The following GOLIM4 variants were observed in gnomAD, a reference collection of about 807,000 sequenced individuals.
GOLIM4 encodes the protein 130 kDa golgi-localized phosphoprotein.
Under a neutral mutation model 107.4 loss-of-function variants are expected in GOLIM4, and 71 were observed. The observed-to-expected ratio is 0.66, with a 90% confidence interval of 0.55 to 0.81. The LOEUF (loss-of-function observed/expected upper bound fraction) is 0.81, where lower values mean the gene tolerates loss of function less well. Among genes scored for constraint, GOLIM4 ranks in the 30% least tolerant of loss-of-function variants. The pLI, the probability that GOLIM4 is intolerant of heterozygous loss-of-function variation, is 0.00. For missense variants in GOLIM4, 830 were observed against 826.1 expected, an observed-to-expected ratio of 1.00 and a Z score of -0.06; for synonymous variants, 327 against 294.8, an observed-to-expected ratio of 1.11 and a Z score of -1.12.
At chr3:168,048,643 T>C (rs981109234) in intron 1 of GOLIM4, among the ~76,000 whole-genome samples, 2 of 152,218 alleles carry the variant, frequency 1.3e-5, no homozygotes, top group Admixed American at 1.3e-4. Flanking sequence ...GCCTCTTAAA[T>C]GCAAGTGTCT....
At chr3:168,070,329 G>T (rs769503159) in intron 1 of GOLIM4, among the ~76,000 whole-genome samples, 1 of 152,204 alleles carries the variant, frequency 6.6e-6, no homozygotes. Flanking sequence ...GGAGGCAGAG[G>T]TTGCAGTAAG....
intron 1 of GOLIM4, among the ~76,000 whole-genome samples, chr3:168,059,178 G>A (rs1720130737): frequency 6.6e-6 from 1 of 152,160 alleles, no homozygotes; most frequent in South Asian, 2.1e-4. Context: ...TTTTTTAATA[G>A]GAACTTGCCT....
intron 1 of GOLIM4, among the ~76,000 whole-genome samples, chr3:168,056,127 T>C (rs530432015): frequency 1.3e-4 from 20 of 152,326 alleles, no homozygotes; most frequent in African/African-American, 4.8e-4. Flanking sequence ...GTGTGCATCC[T>C]AGGGACTTGG....
At position 168,032,744 on chromosome 3, in the gene GOLIM4, G is replaced by A. The variant is rs1718405106; in HGVS notation, c.952C>T (p.Pro318Ser). ...TCCACTTCTTGTTGGATTGGCTCTG[G>A]GGGAGCCTGAAATTCTGCCTCCTTA... ...THKEAEFQAP[P>S]EPIQQEVERR... is the part of the protein sequence containing the mutation. Residue 318 changes from proline (P) to serine (S), a missense_variant, in exon 9 of 16, where the codon CCA (proline) becomes TCA (serine). Pro to Ser is a moderately conservative substitution (Grantham distance 74, BLOSUM62 -1). Coordinates refer to ENST00000470487, the MANE Select transcript of GOLIM4 (RefSeq NM_014498.5). 6.2e-7 allele frequency: 1 copy of A among 1,613,844 alleles called. No individual in the cohort carries two copies. The highest frequency in any genetic ancestry group is 8.5e-7 in the Non-Finnish European group (1 of 1,179,840).
chr3:168,029,279 A>G lies in GOLIM4; in HGVS notation c.1457T>C (p.Met486Thr). 6.2e-7 allele frequency: 1 copy of G among 1,608,142 alleles called. No homozygotes were observed. The highest frequency in any genetic ancestry group is 8.5e-7 in the Non-Finnish European group (1 of 1,176,106). Residue 486 changes from methionine (M) to threonine (T), a missense_variant, in exon 11 of 16, where the codon ATG (methionine) becomes ACG (threonine). Met to Thr is a moderately conservative substitution (Grantham distance 81). Transcript: ENST00000470487. ...TGCTCCCTGAACGATATCATTATCC[A>G]TAGCATCATAATGAGCTTGCTGCCT... is the stretch of plus-strand genomic sequence containing the variant. ...QLRQQAHYDA[M>T]DNDIVQGAED...
intron 5 of GOLIM4, among the ~76,000 whole-genome samples, chr3:168,041,927 C>T (rs1388165583): frequency 1.3e-5 from 2 of 151,808 alleles, no homozygotes; most frequent in Non-Finnish European, 1.5e-5. Flanking sequence ...AAAGTATAGA[C>T]CCTTAACCCT....
chr3:168,027,791 T>A lies in GOLIM4; in HGVS notation c.1560A>T (p.Pro520=). 6.2e-7 allele frequency: 1 copy of A among 1,613,602 alleles called. No individual in the cohort carries two copies. Among genetic ancestry groups the A allele is most frequent in the South Asian group, 1.1e-5 (1 of 91,070 alleles). ...GTTCACGAGGCTCATGTCTATTACC[T>A]GGATCTCCTTCTGCTTCATCTTGGT... ...NQHQDEAEGD[P]GNRHEPREQG... is the part of the protein sequence containing the mutation. Residue 520 remains proline (P), a synonymous_variant, in exon 12 of 16, where the codon CCA becomes CCT. Transcript: ENST00000470487.
intron 1 of GOLIM4, among the ~76,000 whole-genome samples, chr3:168,074,333 G>A (rs1560104757): frequency 6.6e-6 from 1 of 152,162 alleles, no homozygotes; most frequent in Non-Finnish European, 1.5e-5. Context: ...GGAGTTATTT[G>A]TTACATGACA....
chr3:168,069,223 T>C (rs1196067010), intron 1 of GOLIM4, among the ~76,000 whole-genome samples: 2 of 152,230 alleles, frequency 1.3e-5, no homozygotes, highest in East Asian at 3.8e-4. Context: ...ATGATGCTCA[T>C]TTAAAATAAA....
At chr3:168,018,932 T>A (rs1371147714) in intron 14 of GOLIM4, among the ~76,000 whole-genome samples, 2 of 151,888 alleles carry the variant, frequency 1.3e-5, no homozygotes, top group Admixed American at 1.3e-4. Context: ...ATACTTAGGC[T>A]TTCTTAGCCA....
At chr3:168,089,332 T>C (rs1721781926) in intron 1 of GOLIM4, among the ~76,000 whole-genome samples, 1 of 152,204 alleles carries the variant, frequency 6.6e-6, no homozygotes, top group Non-Finnish European at 1.5e-5. Context: ...TGAAAATTAG[T>C]ACACCTACCA....
chr3:168,027,658 G>A (rs1012548862), intron 12 of GOLIM4, 70 bp downstream of exon 12: 9 of 896,232 alleles, frequency 1.0e-5, no homozygotes, highest in African/African-American at 6.6e-5. Context: ...GCTGGCATCA[G>A]GCAAGTTTTC....
At chr3:168,034,418 T>TCATG (rs1718522534) in intron 8 of GOLIM4, among the ~76,000 whole-genome samples, 1 of 152,186 alleles carries the variant, frequency 6.6e-6, no homozygotes, top group African/African-American at 2.4e-5. Flanking sequence ...AGTGATCTGG[T>TCATG]CATGCTCTCT....
intron 6 of GOLIM4, 121 bp from the exon 7 acceptor site, chr3:168,040,990 G>A (rs1250399923): frequency 4.5e-6 from 3 of 660,726 alleles, no homozygotes; most frequent in South Asian, 1.8e-5. Flanking sequence ...GTAGCAGCAT[G>A]TGTTAAGTTT....
rs544676925 is a variant in GOLIM4 at position 168,083,702 on chromosome 3, T to C, written c.187+11397A>G. 5.9e-5 allele frequency among the ~76,000 whole-genome samples: 9 copies of C among 152,328 alleles called. No individual in the cohort carries two copies. The East Asian group carries it at 9.6e-4, about 16-fold the overall frequency. On this transcript the variant is annotated intron_variant, in intron 1 of 15. Coordinates refer to ENST00000470487, the MANE Select transcript of GOLIM4 (RefSeq NM_014498.5). The stretch of plus-strand genomic sequence containing the variant: ...TGGTACCCAGCAAGTGCTCAATGAA[T>C]GTTAGCTTATGACAACTTTGGGAAT...
chr3:168,058,351 A>C (rs559798511), intron 1 of GOLIM4, among the ~76,000 whole-genome samples: 6 of 152,320 alleles, frequency 3.9e-5, no homozygotes, highest in Non-Finnish European at 7.3e-5. Context: ...TTTTCAAATA[A>C]GTATTATATG....
intron 14 of GOLIM4, among the ~76,000 whole-genome samples, chr3:168,017,805 A>G (rs555046128): frequency 2.0e-5 from 3 of 152,264 alleles, no homozygotes; most frequent in African/African-American, 7.2e-5. Context: ...GAAATAGTCT[A>G]TTGAACTGCC....
Position 168,041,323 on chromosome 3 carries a change from C to T in GOLIM4, c.600+69G>A. 5 of 921,832 alleles carry T rather than the reference C, an allele frequency of 5.4e-6. No individual in the cohort carries two copies. In the Admixed American group the frequency reaches 5.5e-5, roughly 10 times the overall value. 57.1% of individuals were successfully genotyped at this position (921,832 alleles called of 1,614,324 possible). A position where few individuals can be genotyped will look rare whatever the true frequency, so the allele number is the denominator to read the frequency against. On this transcript the variant is annotated intron_variant, in intron 6 of 15. Transcript: ENST00000470487. ...GTAAAGCAGGCCAATTAGGGAATGA[C>T]TTTTTAAAGTCATTCTACCAAATAA...
intron 2 of GOLIM4, among the ~76,000 whole-genome samples, chr3:168,047,299 G>GA (rs1719358453): frequency 6.6e-6 from 1 of 152,038 alleles, no homozygotes; most frequent in South Asian, 2.1e-4. Context: ...ATTTAGGAGG[G>GA]AAAAAATGGA....
Sources: gnomAD v4.1 joint callset for allele counts (sites outside exome capture counted in the v4.1 genomes callset) on GRCh38, gnomAD v4.1.1 for gene constraint, MANE v1.5 for transcripts, NCBI Gene and HGNC (gene_info 2026-07-23, HGNC 2026-07-21) for gene names.